Variants in CHSY3 observed in about 807,000 individuals in gnomAD.
The protein encoded by CHSY3 is N-acetylgalactosaminyl-proteoglycan 3-beta-glucuronosyltransferase 3.
A neutral mutation model predicts 67.2 loss-of-function variants in CHSY3; 35 were observed. The ratio of observed to expected loss-of-function variants is 0.52; its 90% CI spans 0.40 to 0.69. CHSY3 has a LOEUF of 0.69. Ranked by LOEUF, CHSY3 falls within the 30% of genes least tolerant of loss-of-function variation. CHSY3 has a pLI of 0.00. For synonymous variants in CHSY3, 474 were observed against 434.7 expected, an observed-to-expected ratio of 1.09 and a Z score of -1.12; for missense variants, 1,069 against 1,138.5, an observed-to-expected ratio of 0.94 and a Z score of 0.88.
At chr5:130,125,454 G>GATAGATAT (rs1278865041) in intron 2 of CHSY3, among the ~76,000 whole-genome samples, 9 of 150,996 alleles carry the variant, frequency 6.0e-5, no homozygotes, top group African/African-American at 2.2e-4. Flanking sequence ...TAGATAGATA[G>GATAGATAT]ACAGACAGAC....
At chr5:130,089,498 T>A (rs911130307) in intron 2 of CHSY3, among the ~76,000 whole-genome samples, 1 of 152,160 alleles carries the variant, frequency 6.6e-6, no homozygotes, top group African/African-American at 2.4e-5. Flanking sequence ...AGTAAAATTT[T>A]GCTCATCAAT....
chr5:129,943,500 T>C (rs186344036), intron 2 of CHSY3, among the ~76,000 whole-genome samples: 1 of 152,308 alleles, frequency 6.6e-6, no homozygotes, highest in East Asian at 1.9e-4. Context: ...AAAACTATAT[T>C]ATTATTGTCA....
intron 2 of CHSY3, among the ~76,000 whole-genome samples, chr5:129,925,359 G>A (rs1295214726): frequency 2.0e-5 from 3 of 152,176 alleles, no homozygotes; most frequent in African/African-American, 7.2e-5. Context: ...AGTTTAGTAA[G>A]AGAAATGGGA....
intron 2 of CHSY3, among the ~76,000 whole-genome samples, chr5:130,115,656 C>T (rs1767768538): frequency 6.6e-6 from 1 of 152,198 alleles, no homozygotes; most frequent in Non-Finnish European, 1.5e-5. Flanking sequence ...AATCTGTTAA[C>T]ATTTTACTAA....
intron 2 of CHSY3, among the ~76,000 whole-genome samples, chr5:129,926,740 G>C (rs537372239): frequency 6.6e-6 from 1 of 151,696 alleles, no homozygotes; most frequent in South Asian, 2.1e-4. Context: ...TTGAGCGTTT[G>C]CTCTTCTGAT....
intron 2 of CHSY3, among the ~76,000 whole-genome samples, chr5:130,018,922 T>C (rs1196476091): frequency 1.3e-5 from 2 of 152,072 alleles, no homozygotes; most frequent in African/African-American, 4.8e-5. Context: ...CAGGATGCCC[T>C]CAGGCTTGAT....
At chr5:130,008,798 C>T (rs566333771) in intron 2 of CHSY3, among the ~76,000 whole-genome samples, 170 of 152,228 alleles carry the variant, frequency 1.1e-3, no homozygotes, top group Non-Finnish European at 1.9e-3. Flanking sequence ...GAAAAACTCA[C>T]TACAAGAAAT....
At chr5:130,102,355 G>T (rs1390598992) in intron 2 of CHSY3, among the ~76,000 whole-genome samples, 1 of 151,812 alleles carries the variant, frequency 6.6e-6, no homozygotes, top group Non-Finnish European at 1.5e-5. Flanking sequence ...TGTCTTTTTT[G>T]TCATTAGTCT....
rs1043276366 is a variant in CHSY3, at chr5:129,926,838, C to T, written c.1086+18478C>T. Among the ~76,000 whole-genome samples the T allele has an allele frequency of 6.6e-5, 10 of 151,662 alleles. No homozygotes were observed. The South Asian group carries it at 2.1e-3, about 31-fold the overall frequency. On this transcript the variant is annotated intron_variant, in intron 2 of 2. Transcript: ENST00000305031. ...CTCTTGTTGGTATACATATTTGTTA[C>T]ATAATATTTATATATTCAATTCACT...
At chr5:130,133,132 G>A (rs751105782) in intron 2 of CHSY3, among the ~76,000 whole-genome samples, 2 of 152,148 alleles carry the variant, frequency 1.3e-5, no homozygotes, top group Non-Finnish European at 2.9e-5. Context: ...GTAAAAGGTT[G>A]TATACTAATT....
chr5:130,061,939 T>C (rs1033123690), intron 2 of CHSY3, among the ~76,000 whole-genome samples: 1 of 151,660 alleles, frequency 6.6e-6, no homozygotes, highest in African/African-American at 2.4e-5. Flanking sequence ...AGAGAACACT[T>C]AGACATTGTT....
chr5:130,101,177 TGATAAA>T lies in CHSY3; in HGVS notation c.1087-83051_1087-83046del, dbSNP rs201486795. 3.6e-3 allele frequency among the ~76,000 whole-genome samples: 549 copies of T among 152,368 alleles called. 7 individuals carry two copies. Among genetic ancestry groups the T allele is most frequent in the African/African-American group, 0.013 (523 of 41,598 alleles). On this transcript the variant is annotated intron_variant, in intron 2 of 2. Transcript: ENST00000305031. ...GCATGATCACACTGCTACAAAATCTTGATAAACCATCCGAGTATTTTTTGTTTTTGT... is the reference window on the plus strand; with the variant it reads ...GCATGATCACACTGCTACAAAATCTTCCATCCGAGTATTTTTTGTTTTTGT...
At chr5:130,082,062 C>A (rs1377203563) in intron 2 of CHSY3, among the ~76,000 whole-genome samples, 4 of 151,982 alleles carry the variant, frequency 2.6e-5, no homozygotes, top group Non-Finnish European at 5.9e-5. Flanking sequence ...CTGGAAATAT[C>A]CACAGACTGG....
chr5:129,951,842 A>T (rs886581884), intron 2 of CHSY3, among the ~76,000 whole-genome samples: 2 of 152,192 alleles, frequency 1.3e-5, no homozygotes, highest in Non-Finnish European at 2.9e-5. Flanking sequence ...ATATTTTTTT[A>T]AATTATCTGT....
chr5:129,942,800 A>C lies in CHSY3; in HGVS notation c.1086+34440A>C, dbSNP rs577234688. On this transcript the variant is annotated intron_variant, in intron 2 of 2. Coordinates refer to ENST00000305031, the MANE Select transcript of CHSY3 (RefSeq NM_175856.5). ...TGTTTTATTTGGTCATGGATTTGGCAGATAGAATTTACATTTAATGTTTTC... is the reference window on the plus strand; with the variant it reads ...TGTTTTATTTGGTCATGGATTTGGCCGATAGAATTTACATTTAATGTTTTC... Among the ~76,000 whole-genome samples the C allele has an allele frequency of 2.2e-4, 34 of 152,290 alleles. 2 individuals carry two copies. In the South Asian group the frequency reaches 7.0e-3, roughly 32 times the overall value.
chr5:129,994,287 G>A (rs6595929), intron 2 of CHSY3, among the ~76,000 whole-genome samples: 50,175 of 151,902 alleles, frequency 0.33, 8,494 homozygotes, highest in South Asian at 0.45. Flanking sequence ...AGTTCTCCTG[G>A]ATAATATCCT....
intron 2 of CHSY3, among the ~76,000 whole-genome samples, chr5:130,125,283 G>A (rs750607512): frequency 3.2e-4 from 49 of 152,116 alleles, no homozygotes; most frequent in Non-Finnish European, 6.3e-4. Context: ...TGGGCATGGT[G>A]CTATACACCT....
At chr5:130,052,813 T>C (rs1765405445) in intron 2 of CHSY3, among the ~76,000 whole-genome samples, 1 of 152,124 alleles carries the variant, frequency 6.6e-6, no homozygotes, top group African/African-American at 2.4e-5. Flanking sequence ...AATGAAAAGC[T>C]GAAGCATTTA....
At chr5:130,066,854 A>G (rs1027702411) in intron 2 of CHSY3, among the ~76,000 whole-genome samples, 1 of 152,118 alleles carries the variant, frequency 6.6e-6, no homozygotes, top group Non-Finnish European at 1.5e-5. Context: ...GGGGTCTGTC[A>G]TAGGCTTATG....
Sources: gnomAD v4.1 joint callset for allele counts (sites outside exome capture counted in the v4.1 genomes callset) on GRCh38, gnomAD v4.1.1 for gene constraint, MANE v1.5 for transcripts, NCBI Gene and HGNC (gene_info 2026-07-23, HGNC 2026-07-21) for gene names.